PRDM1: variants seen among roughly 807,000 people sequenced by gnomAD.
PRDM1 encodes PR/SET domain 1, also known as PR domain zinc finger protein 1.
Under a neutral mutation model 62.8 loss-of-function variants are expected in PRDM1, and 13 were observed. The ratio of observed to expected loss-of-function variants is 0.21; its 90% CI spans 0.13 to 0.33. The LOEUF (loss-of-function observed/expected upper bound fraction) is 0.33. Ranked by LOEUF, PRDM1 falls within the 10% of genes least tolerant of loss-of-function variation. The pLI, the probability that PRDM1 is intolerant of heterozygous loss-of-function variation, is 1.00. For synonymous variants in PRDM1, 396 were observed against 417.6 expected, an observed-to-expected ratio of 0.95 and a Z score of 0.63; for missense variants, 895 against 1,058.8, an observed-to-expected ratio of 0.85 and a Z score of 2.15.
At chr6:106,009,264 T>G (rs922091402) in intron 1 of PRDM1, among the ~76,000 whole-genome samples, 1 of 152,240 alleles carries the variant, frequency 6.6e-6, no homozygotes, top group East Asian at 1.9e-4. Flanking sequence ...TTAATGTTAC[T>G]CGTGTGCTTC....
intron 1 of PRDM1, chr6:106,078,419 T>C (rs1055128558): frequency 1.3e-5 from 2 of 152,230 alleles, no homozygotes; most frequent in Admixed American, 1.3e-4. Flanking sequence ...GTGCCTTACA[T>C]TTGGGGAACA....
chr6:106,016,772 C>G (rs151256132), intron 1 of PRDM1, among the ~76,000 whole-genome samples: 1 of 151,916 alleles, frequency 6.6e-6, no homozygotes, highest in Non-Finnish European at 1.5e-5. Flanking sequence ...CCTCAGCCCC[C>G]GAGTGTCTGT....
upstream of PRDM1, among the ~76,000 whole-genome samples, chr6:106,084,390 G>T (rs1203929358): frequency 6.6e-6 from 1 of 152,180 alleles, no homozygotes; most frequent in Non-Finnish European, 1.5e-5. Flanking sequence ...AGTGCAGGCT[G>T]ATATTAATTA....
chr6:106,007,317 C>T (rs1772495408), intron 1 of PRDM1, among the ~76,000 whole-genome samples: 1 of 151,842 alleles, frequency 6.6e-6, no homozygotes, highest in Non-Finnish European at 1.5e-5. Context: ...GTAATCCCAG[C>T]TACTCAGGAG....
At chr6:106,093,503 AT>A (rs1322794038) in intron 2 of PRDM1, among the ~76,000 whole-genome samples, 1 of 152,204 alleles carries the variant, frequency 6.6e-6, no homozygotes, top group Non-Finnish European at 1.5e-5. Context: ...AAATGGCATG[AT>A]TTGTTTTTCC....
Position 106,104,858 on chromosome 6 carries a change from C to T in PRDM1, c.698C>T (p.Thr233Ile), listed in dbSNP as rs933516352. 6.2e-7 allele frequency: 1 copy of T among 1,613,828 alleles called. No individual in the cohort carries two copies. Among genetic ancestry groups the T allele is most frequent in the African/African-American group, 1.3e-5 (1 of 74,814 alleles). Residue 233 changes from threonine to isoleucine, a missense_variant, in exon 5 of 7, where the codon ACT becomes ATT. Thr to Ile is a moderately conservative substitution (Grantham distance 89). Around this residue, in one of 4 missense-constraint regions of PRDM1, gnomAD observed 444 missense variants for 422.7 expected, o/e 1.05. Coordinates refer to ENST00000369096, the MANE Select transcript of PRDM1 (RefSeq NM_001198.4). Reference sequence around the variant, plus strand: ...CAGAGCAGTCTAAAGCAACCGAGCACTGAGAAAAATGAACTCTGCCCAAAG... The same window carrying T: ...CAGAGCAGTCTAAAGCAACCGAGCATTGAGAAAAATGAACTCTGCCCAAAG... ...QTQSSLKQPS[T>I]EKNELCPKNV...
chr6:106,068,583 G>T (rs1773468690), intron 1 of PRDM1, among the ~76,000 whole-genome samples: 1 of 152,074 alleles, frequency 6.6e-6, no homozygotes, highest in Non-Finnish European at 1.5e-5. Flanking sequence ...CAAAAGCATG[G>T]TTAAATTCTC....
intron 1 of PRDM1, among the ~76,000 whole-genome samples, chr6:106,050,519 T>C (rs1386563349): frequency 1.3e-5 from 2 of 152,210 alleles, no homozygotes; most frequent in African/African-American, 4.8e-5. Context: ...TTTTTTAACA[T>C]TTACTTTTTA....
upstream of PRDM1, chr6:106,045,375 G>T (rs947334493): frequency 9.9e-5 from 15 of 152,216 alleles, no homozygotes; most frequent in African/African-American, 3.6e-4. Flanking sequence ...TTTCATATTA[G>T]ACTGTTTAAA....
At position 106,005,897 on chromosome 6, in the gene PRDM1, T is replaced by C. The variant is rs536754960; in HGVS notation, c.-67+12258T>C. ...TACGGTTAGATATCCTTCAGCCTTG[T>C]GATCCCTTTCAGTTTATAATCCTGT... On this transcript the variant is annotated intron_variant, in intron 1 of 6. Coordinates refer to the PRDM1 transcript ENST00000652320. Among the ~76,000 whole-genome samples, 9 of 152,358 alleles carry C rather than the reference T, an allele frequency of 5.9e-5. No homozygotes were observed. In the South Asian group the frequency reaches 1.9e-3, roughly 32 times the overall value.
intron 1 of PRDM1, among the ~76,000 whole-genome samples, chr6:106,081,175 G>T (rs1196436231): frequency 6.6e-6 from 1 of 152,202 alleles, no homozygotes; most frequent in Non-Finnish European, 1.5e-5. Context: ...GGACAGTCAT[G>T]CCTTCTTCCA....
intron 4 of PRDM1, among the ~76,000 whole-genome samples, chr6:106,101,765 G>GGT (rs1774281380): frequency 6.6e-6 from 1 of 152,204 alleles, no homozygotes; most frequent in African/African-American, 2.4e-5. Flanking sequence ...GCACAATAGA[G>GGT]GTGGTGCAAG....
chr6:106,002,324 G>A (rs1772436004), intron 1 of PRDM1, among the ~76,000 whole-genome samples: 1 of 152,108 alleles, frequency 6.6e-6, no homozygotes, highest in Non-Finnish European at 1.5e-5. Flanking sequence ...TTAATTTAAT[G>A]TTTAACTTCT....
In PRDM1 at chr6:106,104,831, C is replaced by T; in HGVS notation, c.671C>T (p.Thr224Ile). ...CCCTTTTTCTTTATTTCAGCACAAA[C>T]ACAGAGCAGTCTAAAGCAACCGAGC... ...GELTMMNLTQ[T>I]QSSLKQPSTE... Residue 224 changes from threonine (T) to isoleucine (I), a missense_variant, in exon 5 of 7, where the codon ACA becomes ATA. Thr to Ile is a moderately conservative substitution (Grantham distance 89, BLOSUM62 -1). Around this residue, in one of 4 missense-constraint regions of PRDM1, gnomAD observed 444 missense variants for 422.7 expected, o/e 1.05. Coordinates refer to ENST00000369096, the MANE Select transcript of PRDM1 (RefSeq NM_001198.4). 1 of 1,612,102 alleles carries T rather than the reference C, an allele frequency of 6.2e-7. No homozygotes were observed. The highest frequency in any genetic ancestry group is 8.5e-7 in the Non-Finnish European group (1 of 1,179,380).
chr6:106,013,750 G>A (rs1772584942), intron 1 of PRDM1, among the ~76,000 whole-genome samples: 1 of 152,176 alleles, frequency 6.6e-6, no homozygotes, highest in Non-Finnish European at 1.5e-5. Context: ...CTGCTGAAGT[G>A]GCTGCTTGTC....
intron 1 of PRDM1, among the ~76,000 whole-genome samples, chr6:106,026,495 T>A (rs1772769196): frequency 6.6e-6 from 1 of 151,200 alleles, no homozygotes; most frequent in African/African-American, 2.4e-5. Flanking sequence ...TAATAATAAA[T>A]AATAATAATA....
intron 1 of PRDM1, among the ~76,000 whole-genome samples, chr6:106,052,742 G>T (rs1773198596): frequency 1.3e-5 from 2 of 152,062 alleles, no homozygotes; most frequent in African/African-American, 4.8e-5. Flanking sequence ...GGAGGCCAAG[G>T]TAGATGGATC....
At chr6:106,036,421 C>T (rs1364888810) in intron 1 of PRDM1, among the ~76,000 whole-genome samples, 1 of 152,142 alleles carries the variant, frequency 6.6e-6, no homozygotes, top group Non-Finnish European at 1.5e-5. Context: ...TTTGTATATT[C>T]CGTAACTATT....
chr6:106,030,493 T>A (rs940116937), intron 1 of PRDM1, among the ~76,000 whole-genome samples: 1 of 152,146 alleles, frequency 6.6e-6, no homozygotes, highest in Non-Finnish European at 1.5e-5. Context: ...TCTTAATGTC[T>A]TTTCAAAACC....
Sources: allele counts gnomAD v4.1 joint callset (sites outside exome capture counted in the v4.1 genomes callset), GRCh38; gene constraint gnomAD v4.1.1; regional missense constraint gnomAD v4.1.1; transcripts MANE v1.5; gene names NCBI Gene and HGNC (gene_info 2026-07-23, HGNC 2026-07-21).